The following GNL3L variants were observed in gnomAD, a reference collection of about 807,000 sequenced individuals.
GNL3L encodes guanine nucleotide-binding protein-like 3-like protein.
In GNL3L, 4 loss-of-function variants were observed where a neutral mutation model predicts 42.9. The ratio of observed to expected loss-of-function variants is 0.09; its 90% confidence interval spans 0.05 to 0.21. The LOEUF (loss-of-function observed/expected upper bound fraction) is 0.21. GNL3L is among the 10% of genes least tolerant of loss of function. The pLI is 1.00. For missense variants in GNL3L, 412 were observed against 481.7 expected, an observed-to-expected ratio of 0.86 and a Z score of 1.36; for synonymous variants, 159 against 176.3, an observed-to-expected ratio of 0.90 and a Z score of 0.78.
chrX:54,604,701 C>T (rs1926039189), intron 16 of GNL3L, among the ~76,000 whole-genome samples: 1 of 111,768 alleles, frequency 8.9e-6, no homozygotes, highest in African/African-American at 3.3e-5. Flanking sequence ...GAATTTACAG[C>T]TATATAGTAT....
In GNL3L at chrX:54,551,599, A is replaced by G. The variant is rs768089314; in HGVS notation, c.895A>G (p.Ile299Val). 3 of 1,209,226 alleles carry G rather than the reference A, an allele frequency of 2.5e-6. No homozygotes were observed. Among genetic ancestry groups the G allele is most frequent in the Non-Finnish European group, 3.4e-6 (3 of 894,582 alleles). The change falls in exon 11 of 16, where the codon ATC becomes GTC. Residue 299 changes from isoleucine to valine, a missense_variant. Physicochemically the swap from Ile to Val is conservative, Grantham distance 29. Coordinates refer to ENST00000360845, the MANE Select transcript of GNL3L (RefSeq NM_001184819.2). ...GCAGGAGGTCTACCTGGACAAGTTC[A>G]TCCGGCTCTTGGATGCTCCAGGCAT... is the stretch of plus-strand genomic sequence containing the variant. ...FMQEVYLDKFIRLLDAPGIVP... is the reference protein window; with the variant it reads ...FMQEVYLDKFVRLLDAPGIVP...
intron 16 of GNL3L, among the ~76,000 whole-genome samples, chrX:54,619,654 C>A (rs1302100788): frequency 2.7e-5 from 3 of 110,833 alleles, no homozygotes; most frequent in African/African-American, 9.8e-5. Flanking sequence ...CTGTGCCCAG[C>A]CTGTTTTACA....
chrX:54,587,737 G>A (rs1366733734), intron 16 of GNL3L, among the ~76,000 whole-genome samples: 1 of 108,538 alleles, frequency 9.2e-6, no homozygotes, highest in Non-Finnish European at 1.9e-5. Flanking sequence ...CTGGAGTGCA[G>A]TGGCACGATC....
In GNL3L at chrX:54,562,885, C is replaced by T. The variant is rs1052944794; in HGVS notation, c.*2283C>T. ...ATTGGAACCCAAGCGTGATTAAAAC[C>T]CTATGCAGGCCCTTTCCTCTATATT... On this transcript the variant is annotated 3_prime_UTR_variant, in exon 16 of 16. Transcript: ENST00000360845. Among the ~76,000 whole-genome samples the T allele has an allele frequency of 9.4e-6, 1 of 106,081 alleles. No individual in the cohort carries two copies. Among genetic ancestry groups the T allele is most frequent in the African/African-American group, 3.3e-5 (1 of 30,101 alleles). The allele number at this position is 106,081 out of a possible 115,157, so 92.1% of individuals were successfully genotyped here.
chrX:54,632,968 G>C, the GNL3L span, among the ~76,000 whole-genome samples: 1 of 111,454 alleles, frequency 9.0e-6, no homozygotes, highest in African/African-American at 3.3e-5. Flanking sequence ...TCCCTTGATG[G>C]AGTGCTTTCC....
intron 5 of GNL3L, among the ~76,000 whole-genome samples, chrX:54,542,157 T>TA (rs1924641090): frequency 8.9e-6 from 1 of 112,110 alleles, no homozygotes; most frequent in Admixed American, 9.5e-5. Context: ...GCAGGTTTGT[T>TA]ACATATGTAT....
At chrX:54,613,174 C>G (rs1461724421) in intron 16 of GNL3L, among the ~76,000 whole-genome samples, 1 of 111,223 alleles carries the variant, frequency 9.0e-6, no homozygotes, top group Non-Finnish European at 1.9e-5. Flanking sequence ...ATTCGAAGAC[C>G]TTGTCTTTGA....
chrX:54,588,685 C>T (rs1036098051), intron 16 of GNL3L, among the ~76,000 whole-genome samples: 7 of 110,858 alleles, frequency 6.3e-5, no homozygotes, highest in Admixed American at 4.8e-4. Context: ...ACTAGCCAGG[C>T]GTGGTGGCAC....
chrX:54,567,095 A>G lies in GNL3L; in HGVS notation c.*6493A>G, dbSNP rs1354982699. On this transcript the variant is annotated 3_prime_UTR_variant, in exon 16 of 16. Coordinates refer to ENST00000360845, the MANE Select transcript of GNL3L (RefSeq NM_001184819.2). ...TAGGTCTATGATCCATTTTGAGTCA[A>G]TTTTTGTATATGGTACAAGGTATGA... 1.8e-5 allele frequency among the ~76,000 whole-genome samples: 2 copies of G among 111,656 alleles called. No homozygotes were observed. Among genetic ancestry groups the G allele is most frequent in the South Asian group, 7.4e-4 (2 of 2,691 alleles).
At chrX:54,531,539 A>G (rs1569541862) in intron 1 of GNL3L, among the ~76,000 whole-genome samples, 1 of 110,850 alleles carries the variant, frequency 9.0e-6, no homozygotes, top group Non-Finnish European at 1.9e-5. Flanking sequence ...CATGCAGAGA[A>G]CCAGAGCCCC....
intron 16 of GNL3L, among the ~76,000 whole-genome samples, chrX:54,573,396 AC>A (rs1301100598): frequency 3.6e-5 from 4 of 111,858 alleles, no homozygotes; most frequent in Admixed American, 1.9e-4. Context: ...AAATACGAAA[AC>A]CAGTCAGGCT....
chrX:54,560,065 A>G (rs1281931000), intron 15 of GNL3L, among the ~76,000 whole-genome samples: 1 of 109,123 alleles, frequency 9.2e-6, no homozygotes, highest in Non-Finnish European at 1.9e-5. Context: ...CTCCTGGAGG[A>G]GGTGAAGTCT....
At position 54,551,072 on chromosome X, in the gene GNL3L, C is replaced by T. The variant is rs201786578; in HGVS notation, c.863+22C>T. The T allele has an allele frequency of 2.7e-5, 22 of 826,134 alleles. No homozygotes were observed. In the East Asian group the frequency reaches 4.4e-4, roughly 16 times the overall value. 68.1% of individuals were successfully genotyped at this position (826,134 alleles called of 1,213,427 possible). ...CCAAGTAAGCACCTGCCTGCTCCTC[C>T]ACTCCACAATTCCTTGACCCTACCA... On this transcript the variant is annotated intron_variant, in intron 10 of 15. Transcript: ENST00000360845.
chrX:54,598,309 C>G (rs1270229753), intron 16 of GNL3L, among the ~76,000 whole-genome samples: 1 of 111,312 alleles, frequency 9.0e-6, no homozygotes. Context: ...AGCGCAAAGT[C>G]AAGAGGAGTG....
chrX:54,624,864 C>T (rs1427014150), downstream of GNL3L, among the ~76,000 whole-genome samples: 1 of 111,489 alleles, frequency 9.0e-6, no homozygotes, highest in Non-Finnish European at 1.9e-5. Flanking sequence ...GCTTTGATAT[C>T]ATGCCATAAT....
intron 16 of GNL3L, among the ~76,000 whole-genome samples, chrX:54,611,508 C>T (rs749105851): frequency 2.7e-5 from 3 of 111,583 alleles, no homozygotes; most frequent in South Asian, 3.7e-4. Flanking sequence ...TTCCTCTTAG[C>T]GTTGCCTTTG....
the GNL3L span, among the ~76,000 whole-genome samples, chrX:54,645,687 T>G: frequency 8.9e-6 from 1 of 112,204 alleles, no homozygotes; most frequent in Non-Finnish European, 1.9e-5. Flanking sequence ...AAACTGTTTT[T>G]TGTAGTCCCT....
intron 16 of GNL3L, among the ~76,000 whole-genome samples, chrX:54,592,776 C>T (rs1419094943): frequency 9.3e-6 from 1 of 107,760 alleles, no homozygotes; most frequent in Admixed American, 1.0e-4. Context: ...GATCATGCCA[C>T]ACCACTCCAG....
Position 54,548,331 on chromosome X carries a change from C to T in GNL3L, c.733C>T (p.Arg245Cys), listed in dbSNP as rs371577497. The T allele has an allele frequency of 1.4e-5, 17 of 1,204,708 alleles. No homozygotes were observed. The highest frequency in any genetic ancestry group is 3.0e-5 in the East Asian group (1 of 33,693). Residue 245 changes from arginine (R) to cysteine (C), a missense_variant, in exon 9 of 16, where the codon CGC becomes TGC. By Grantham distance (180) the Arg-to-Cys change is radical. Transcript: ENST00000360845. ...NLMRVLGNYC[R>C]LGEVRTHIRV... ...CATGAGGGTTCTGGGGAACTATTGC[C>T]GCCTTGGTGAAGTGCGCACCCACAT...
Sources: gnomAD v4.1 joint callset for allele counts (sites outside exome capture counted in the v4.1 genomes callset) on GRCh38, gnomAD v4.1.1 for gene constraint, MANE v1.5 for transcripts, NCBI Gene and HGNC (gene_info 2026-07-23, HGNC 2026-07-21) for gene names.